The following SGCZ variants were observed in gnomAD, a reference collection of about 807,000 sequenced individuals.
The protein encoded by SGCZ is zeta-sarcoglycan.
Under a neutral mutation model 41.3 loss-of-function variants are expected in SGCZ, and 40 were observed. That is an observed-to-expected ratio of 0.97 (90% confidence interval 0.75 to 1.26). SGCZ has a LOEUF of 1.26. SGCZ is among the 50% of genes most tolerant of loss of function. The pLI is 0.00. For synonymous variants in SGCZ, 206 were observed against 137.5 expected (o/e 1.50, Z -3.49); for missense variants, 552 against 369.8 (o/e 1.49, Z -4.04).
At chr8:15,040,402 G>A (rs545328505) in intron 1 of SGCZ, among the ~76,000 whole-genome samples, 4 of 152,188 alleles carry the variant, frequency 2.6e-5, no homozygotes, top group Admixed American at 1.3e-4. Context: ...ATCACCTGAG[G>A]TAGGAATTCA....
chr8:14,139,746 T>G, intron 5 of SGCZ, among the ~76,000 whole-genome samples: 1 of 152,086 alleles, frequency 6.6e-6, no homozygotes, highest in East Asian at 1.9e-4. Context: ...AGCCAAACAC[T>G]ACCAGAGGTA....
intron 1 of SGCZ, among the ~76,000 whole-genome samples, chr8:14,781,561 C>T (rs1196545051): frequency 6.6e-6 from 1 of 152,042 alleles, no homozygotes; most frequent in African/African-American, 2.4e-5. Flanking sequence ...CCTTTCAAAA[C>T]TTATTACCAA....
rs1203051209 is a variant in SGCZ at position 14,199,436 on chromosome 8, G to T, written c.425-34734C>A. ...CATTAGTAATTTTAATTTCGCCCTG[G>T]TCCTTTGGTCCTGTGATCTCGCCCT... is the stretch of plus-strand genomic sequence containing the variant. On this transcript the variant is annotated intron_variant, in intron 4 of 7. Coordinates refer to ENST00000382080, the MANE Select transcript of SGCZ (RefSeq NM_139167.4). 1.1e-4 allele frequency among the ~76,000 whole-genome samples: 17 copies of T among 152,178 alleles called. No individual in the cohort carries two copies. In the South Asian group the frequency reaches 3.5e-3, roughly 32 times the overall value.
intron 1 of SGCZ, among the ~76,000 whole-genome samples, chr8:14,653,384 A>G (rs1807463968): frequency 6.6e-6 from 1 of 152,156 alleles, no homozygotes; most frequent in South Asian, 2.1e-4. Context: ...ATAGAGTTTC[A>G]ATGAGTATAA....
At chr8:14,932,878 C>T (rs1043953696) in intron 1 of SGCZ, among the ~76,000 whole-genome samples, 3 of 152,008 alleles carry the variant, frequency 2.0e-5, no homozygotes, top group Admixed American at 6.5e-5. Flanking sequence ...AACTGTGCAT[C>T]TAGTGGTAAG....
intron 1 of SGCZ, among the ~76,000 whole-genome samples, chr8:14,753,233 TAAAATTTTAG>T (rs1284849458): frequency 6.6e-6 from 1 of 152,190 alleles, no homozygotes; most frequent in Non-Finnish European, 1.5e-5. Context: ...CACTTTTCTC[TAAAATTTTAG>T]ATTCATAAAT....
chr8:15,126,290 T>C (rs1585590121), intron 1 of SGCZ, among the ~76,000 whole-genome samples: 1 of 152,250 alleles, frequency 6.6e-6, no homozygotes, highest in African/African-American at 2.4e-5. Context: ...ATACTATTTA[T>C]ATCTACAGAG....
intron 1 of SGCZ, among the ~76,000 whole-genome samples, chr8:14,770,287 T>C (rs1444983867): frequency 2.0e-5 from 3 of 151,690 alleles, no homozygotes; most frequent in East Asian, 3.9e-4. Context: ...TGAAAAATTA[T>C]ATGAAGCAAA....
At chr8:14,370,194 T>A (rs1803861824) in intron 2 of SGCZ, among the ~76,000 whole-genome samples, 1 of 151,858 alleles carries the variant, frequency 6.6e-6, no homozygotes, top group Admixed American at 6.6e-5. Context: ...TAAATTGGTA[T>A]AGCAATACAA....
intron 1 of SGCZ, among the ~76,000 whole-genome samples, chr8:14,683,777 A>T (rs150011473): frequency 1.3e-5 from 2 of 152,258 alleles, no homozygotes; most frequent in East Asian, 3.9e-4. Flanking sequence ...ATTCTTGTAC[A>T]GAACCATAGC....
intron 2 of SGCZ, among the ~76,000 whole-genome samples, chr8:14,373,112 G>A (rs1256652692): frequency 1.3e-5 from 2 of 152,104 alleles, no homozygotes; most frequent in African/African-American, 2.4e-5. Flanking sequence ...GCTAGGAAAA[G>A]GATGGTAGCA....
chr8:14,274,106 T>C (rs1585307700), intron 3 of SGCZ, among the ~76,000 whole-genome samples: 1 of 152,194 alleles, frequency 6.6e-6, no homozygotes, highest in East Asian at 1.9e-4. Flanking sequence ...ACTTGTTTTC[T>C]TGAAGTTTCA....
At chr8:14,253,853 G>C (rs538569803) in intron 3 of SGCZ, among the ~76,000 whole-genome samples, 1 of 152,030 alleles carries the variant, frequency 6.6e-6, no homozygotes, top group South Asian at 2.1e-4. Context: ...CTCAAAGTGT[G>C]AACCTTCTCC....
At chr8:14,866,197 T>A (rs1803924791) in intron 1 of SGCZ, among the ~76,000 whole-genome samples, 1 of 152,126 alleles carries the variant, frequency 6.6e-6, no homozygotes, top group Non-Finnish European at 1.5e-5. Context: ...TATTTATGTA[T>A]CTCTGATTTT....
At chr8:15,221,671 C>A (rs921851332) in intron 1 of SGCZ, among the ~76,000 whole-genome samples, 13 of 152,138 alleles carry the variant, frequency 8.5e-5, no homozygotes, top group African/African-American at 3.1e-4. Context: ...TCCCGAGATG[C>A]TGAAAACCCA....
At chr8:15,115,141 A>T (rs2116937552) in intron 1 of SGCZ, among the ~76,000 whole-genome samples, 1 of 152,184 alleles carries the variant, frequency 6.6e-6, no homozygotes, top group East Asian at 1.9e-4. Context: ...TAGAGTCTTG[A>T]CTCCATGCAG....
intron 1 of SGCZ, among the ~76,000 whole-genome samples, chr8:15,003,637 T>C (rs1470594529): frequency 6.6e-6 from 1 of 152,082 alleles, no homozygotes; most frequent in Non-Finnish European, 1.5e-5. Flanking sequence ...TATGAAAACA[T>C]AACATGTTTT....
intron 1 of SGCZ, among the ~76,000 whole-genome samples, chr8:14,918,965 G>A (rs370655505): frequency 3.0e-4 from 46 of 152,134 alleles, no homozygotes; most frequent in Admixed American, 1.6e-3. Context: ...GGAAGACTGG[G>A]GGGTTTCAAA....
At chr8:14,566,748 G>A (rs1350260013) in intron 1 of SGCZ, among the ~76,000 whole-genome samples, 5 of 152,210 alleles carry the variant, frequency 3.3e-5, no homozygotes, top group African/African-American at 7.2e-5. Context: ...TCAGCCCGCC[G>A]CTGCACTGTG....
Sources: gnomAD v4.1 joint callset for allele counts (sites outside exome capture counted in the v4.1 genomes callset) on GRCh38, gnomAD v4.1.1 for gene constraint, MANE v1.5 for transcripts, NCBI Gene and HGNC (gene_info 2026-07-23, HGNC 2026-07-21) for gene names.